Variants in RGS7 observed in about 807,000 individuals in gnomAD.
RGS7 encodes the protein regulator of G-protein signaling 7.
Under a neutral mutation model 81.1 loss-of-function variants are expected in RGS7, and 27 were observed. That is an observed-to-expected ratio of 0.33 (90% confidence interval 0.25 to 0.46). The LOEUF is 0.46. Ranked by LOEUF, RGS7 falls within the 20% of genes least tolerant of loss-of-function variation. The pLI is 1.00. For synonymous variants in RGS7, 208 were observed against 207.7 expected (o/e 1.00, Z -0.01); for missense variants, 396 against 607.4 (o/e 0.65, Z 3.66).
chr1:241,202,768 AG>A (rs1036628566), intron 2 of RGS7, among the ~76,000 whole-genome samples: 1 of 150,754 alleles, frequency 6.6e-6, no homozygotes, highest in Admixed American at 6.6e-5. Context: ...GGAGGAGTGT[AG>A]GGGGCAGTTA....
intron 2 of RGS7, among the ~76,000 whole-genome samples, chr1:241,196,991 T>TAAAAAAAAAAAA (rs34557484): frequency 2.3e-5 from 3 of 132,574 alleles, no homozygotes; most frequent in East Asian, 2.1e-4. Flanking sequence ...CAAAAGAATG[T>TAAAAAAAAAAAA]AAAAAAAAAA....
chr1:241,102,786 A>G (rs1014845419), intron 2 of RGS7, among the ~76,000 whole-genome samples: 8 of 152,116 alleles, frequency 5.3e-5, no homozygotes, highest in African/African-American at 1.9e-4. Context: ...AGCTGGCTCA[A>G]CAAGCTTCAG....
chr1:241,270,654 T>C (rs1250989402), intron 2 of RGS7, among the ~76,000 whole-genome samples: 3 of 152,186 alleles, frequency 2.0e-5, no homozygotes, highest in Non-Finnish European at 4.4e-5. Flanking sequence ...TAGTAAGTTT[T>C]CTTTTCTCTC....
At chr1:240,834,522 T>C (rs1363307253) in intron 9 of RGS7, among the ~76,000 whole-genome samples, 1 of 152,112 alleles carries the variant, frequency 6.6e-6, no homozygotes, top group Non-Finnish European at 1.5e-5. Flanking sequence ...TTTTGTTTGT[T>C]TGTTTTGAGA....
chr1:240,995,518 C>T (rs377220123), intron 3 of RGS7, among the ~76,000 whole-genome samples: 10 of 151,972 alleles, frequency 6.6e-5, no homozygotes, highest in East Asian at 3.9e-4. Context: ...TCATTGATTG[C>T]GCTATTCAAA....
chr1:240,944,276 GTGTGTGTATATATATATA>G (rs1297862530), intron 4 of RGS7, among the ~76,000 whole-genome samples: 3 of 18,846 alleles, frequency 1.6e-4, no homozygotes, highest in African/African-American at 4.7e-4. Flanking sequence ...GTGTGTGTGT[GTGTGTGTATATATATATA>G]TATATATATA....
intron 2 of RGS7, among the ~76,000 whole-genome samples, chr1:241,246,201 A>T (rs1384886715): frequency 1.3e-5 from 2 of 152,158 alleles, no homozygotes; most frequent in Non-Finnish European, 2.9e-5. Flanking sequence ...TCAGAAATTG[A>T]CATTCCCCCC....
chr1:241,314,186 A>G (rs1010811652), intron 2 of RGS7, among the ~76,000 whole-genome samples: 1 of 152,240 alleles, frequency 6.6e-6, no homozygotes, highest in Non-Finnish European at 1.5e-5. Context: ...CTGTGGATAA[A>G]ATGCTCTCAA....
chr1:240,955,663 C>T (rs1400384238), intron 4 of RGS7, among the ~76,000 whole-genome samples: 1 of 150,524 alleles, frequency 6.6e-6, no homozygotes, highest in Admixed American at 6.6e-5. Flanking sequence ...GGAAAAAGAA[C>T]AGAGAAATAT....
intron 3 of RGS7, among the ~76,000 whole-genome samples, chr1:241,009,640 G>A (rs2058853659): frequency 6.6e-6 from 1 of 152,124 alleles, no homozygotes; most frequent in Non-Finnish European, 1.5e-5. Flanking sequence ...TTGAAAACTG[G>A]TGGCATCAAC....
chr1:240,919,720 T>A, intron 6 of RGS7: 1 of 614,950 alleles, frequency 1.6e-6, no homozygotes, highest in Non-Finnish European at 2.9e-6. Flanking sequence ...GGCTGAGCTT[T>A]GAAACAAGGT....
chr1:240,838,044 G>A (rs890686141), intron 9 of RGS7, among the ~76,000 whole-genome samples: 2 of 152,178 alleles, frequency 1.3e-5, no homozygotes, highest in African/African-American at 4.8e-5. Flanking sequence ...TAGAAAAGGG[G>A]TGCATCTCCC....
At chr1:241,066,982 A>G (rs149124236) in intron 3 of RGS7, among the ~76,000 whole-genome samples, 34 of 152,368 alleles carry the variant, frequency 2.2e-4, no homozygotes, top group African/African-American at 7.9e-4. Context: ...TCTACTTTGC[A>G]TAAGTTAACA....
Position 240,986,838 on chromosome 1 carries a change from T to C in RGS7, c.176-3709A>G, listed in dbSNP as rs1257439041. ...ACCTCGTGATCCGCCCGCCTCGGCC[T>C]CCCAAAGTGCTGGGATTACAGGCGT... On this transcript the variant is annotated intron_variant, in intron 3 of 18. Coordinates refer to ENST00000440928, the MANE Select transcript of RGS7 (RefSeq NM_001364886.1). Among the ~76,000 whole-genome samples, 5 of 1,388 alleles carry C rather than the reference T, an allele frequency of 3.6e-3. 2 individuals carry two copies. The highest frequency in any genetic ancestry group is 0.017 in the African/African-American group (5 of 302). 0.9% of individuals were successfully genotyped at this position (1,388 alleles called of 152,430 possible).
intron 3 of RGS7, among the ~76,000 whole-genome samples, chr1:240,996,246 C>T (rs990233221): frequency 1.3e-5 from 2 of 152,024 alleles, no homozygotes; most frequent in Non-Finnish European, 2.9e-5. Flanking sequence ...GAACTTGAGA[C>T]CATGAAAAGC....
intron 9 of RGS7, among the ~76,000 whole-genome samples, chr1:240,852,716 A>C (rs913008203): frequency 7.2e-5 from 11 of 152,178 alleles, no homozygotes; most frequent in Non-Finnish European, 1.6e-4. Flanking sequence ...CCAAGAATAT[A>C]GAACCTCACC....
intron 6 of RGS7, among the ~76,000 whole-genome samples, chr1:240,883,136 T>G (rs1666712286): frequency 6.7e-6 from 1 of 150,330 alleles, no homozygotes; most frequent in African/African-American, 2.5e-5. Context: ...TAATCCAGTC[T>G]ATCGTTGTTG....
intron 3 of RGS7, among the ~76,000 whole-genome samples, chr1:241,069,332 T>TC (rs1030443970): frequency 6.6e-6 from 1 of 152,160 alleles, no homozygotes; most frequent in Non-Finnish European, 1.5e-5. Context: ...TGCTGACACA[T>TC]CCCGAATTTA....
intron 14 of RGS7, among the ~76,000 whole-genome samples, chr1:240,809,435 G>A (rs940540879): frequency 6.6e-6 from 1 of 152,134 alleles, no homozygotes; most frequent in Non-Finnish European, 1.5e-5. Flanking sequence ...TTGACCACTG[G>A]ACCATTTTGT....
Sources: allele counts gnomAD v4.1 joint callset (sites outside exome capture counted in the v4.1 genomes callset), GRCh38; gene constraint gnomAD v4.1.1; transcripts MANE v1.5; gene names NCBI Gene and HGNC (gene_info 2026-07-23, HGNC 2026-07-21).